Variants in ARF3 observed in about 807,000 individuals in gnomAD.
The protein encoded by ARF3 is ARF GTPase 3, also known as ADP-ribosylation factor 3.
Under a neutral mutation model 19.3 loss-of-function variants are expected in ARF3, and 5 were observed. The observed-to-expected ratio is 0.26, with a 90% confidence interval of 0.14 to 0.54. The LOEUF is 0.54. Among genes scored for constraint, ARF3 ranks in the 20% least tolerant of loss-of-function variants. The pLI, the probability that ARF3 is intolerant of heterozygous loss-of-function variation, is 0.95. For synonymous variants in ARF3, 71 were observed against 89.2 expected, an observed-to-expected ratio of 0.80 and a Z score of 1.15; for missense variants, 77 against 234.2, an observed-to-expected ratio of 0.33 and a Z score of 4.38.
At position 48,939,112 on chromosome 12, in the gene ARF3, G is replaced by A; in HGVS notation, c.385-4C>T. 2 of 1,611,472 alleles carry A rather than the reference G, an allele frequency of 1.2e-6. No individual in the cohort carries two copies. Among genetic ancestry groups the A allele is most frequent in the African/African-American group, 1.3e-5 (1 of 74,950 alleles). On this transcript the variant is annotated splice_polypyrimidine_tract_variant and splice_region_variant and intron_variant, in intron 4 of 4. Transcript: ENST00000256682. This position sits in a 1 kb window ranked among gnomAD's most constrained non-coding sequence, Gnocchi z 4.8. ...CGTTCATAGCATTAGGCAGATCCTG[G>A]AGCACGTGGGAGACACATAAAAAGA... is the stretch of plus-strand genomic sequence containing the variant.
intron 1 of ARF3, among the ~76,000 whole-genome samples, chr12:48,951,718 A>G (rs190670951): frequency 6.6e-6 from 1 of 152,110 alleles, no homozygotes; most frequent in Non-Finnish European, 1.5e-5. Flanking sequence ...TGTCTCTACT[A>G]AAAGTACTAA....
At chr12:48,940,530 G>A (rs1940236375) in intron 2 of ARF3, among the ~76,000 whole-genome samples, 1 of 152,202 alleles carries the variant, frequency 6.6e-6, no homozygotes. Context: ...AGAGCCAGCT[G>A]ACAATGCTGA....
intron 1 of ARF3, chr12:48,955,780 A>C (rs1436251252): frequency 6.6e-6 from 1 of 152,244 alleles, no homozygotes; most frequent in Non-Finnish European, 1.5e-5. Flanking sequence ...AGCAAGATAG[A>C]CAACTATAAA....
chr12:48,951,299 A>G (rs1375334377), intron 1 of ARF3, among the ~76,000 whole-genome samples: 17 of 148,016 alleles, frequency 1.1e-4, no homozygotes, highest in Middle Eastern at 4.2e-3. Context: ...GGTGGCTCAT[A>G]GCTATAATCC....
chr12:48,938,364 C>A lies in ARF3; in HGVS notation c.*583G>T, dbSNP rs1940187236. 1 of 454,200 alleles carries A rather than the reference C, an allele frequency of 2.2e-6. No individual in the cohort carries two copies. 28.1% of individuals were successfully genotyped at this position (454,200 alleles called of 1,614,324 possible). Reference sequence around the variant, plus strand: ...CTTAATCTCACCAACACGGAAGGGGCAGATGACAGGCTCCAGTGGGCAGTG... The same window carrying A: ...CTTAATCTCACCAACACGGAAGGGGAAGATGACAGGCTCCAGTGGGCAGTG... On this transcript the variant is annotated 3_prime_UTR_variant, in exon 5 of 5. Transcript: ENST00000256682.
chr12:48,946,010 C>A (rs1253835157), intron 1 of ARF3, among the ~76,000 whole-genome samples: 1 of 152,156 alleles, frequency 6.6e-6, no homozygotes, highest in East Asian at 1.9e-4. Context: ...GCCATGCTGG[C>A]CAGGCTGGTC....
In ARF3 at chr12:48,939,935, T is replaced by C. The variant is rs1451388407; in HGVS notation, c.259+62A>G. ...CAGCAGGGTAACAGTTGGCCACCCA[T>C]TAACAAAGACAGCCACACTCTCTGC... is the stretch of plus-strand genomic sequence containing the variant. On this transcript the variant is annotated intron_variant, in intron 3 of 4. Transcript: ENST00000256682. The surrounding 1 kb of genome is among the most constrained non-coding windows in gnomAD (Gnocchi z 4.8). 1.3e-6 allele frequency: 2 copies of C among 1,589,904 alleles called. No homozygotes were observed. Among genetic ancestry groups the C allele is most frequent in the East Asian group, 2.2e-5 (1 of 44,728 alleles).
rs1218110385 is a variant in ARF3 at position 48,938,263 on chromosome 12, C to A, written c.*684G>T. On this transcript the variant is annotated 3_prime_UTR_variant, in exon 5 of 5. Coordinates refer to ENST00000256682, the MANE Select transcript of ARF3 (RefSeq NM_001659.3). ...TCATCTGTCCTATCATCCAGAAAAA[C>A]CTACCTGCAGAGAGGAGGGTAACCA... The A allele has an allele frequency of 7.7e-6, 3 of 387,592 alleles. No individual in the cohort carries two copies. The highest frequency in any genetic ancestry group is 3.0e-5 in the Admixed American group (1 of 33,302). The allele number at this position is 387,592 out of a possible 1,614,324, so 24.0% of individuals were successfully genotyped here. A position where few individuals can be genotyped will look rare whatever the true frequency, so the allele number is the denominator to read the frequency against.
chr12:48,949,424 A>G (rs1054307317), intron 1 of ARF3, among the ~76,000 whole-genome samples: 5 of 152,120 alleles, frequency 3.3e-5, no homozygotes, highest in Non-Finnish European at 7.4e-5. Flanking sequence ...ACGGGGTTTC[A>G]CCATGTTGGC....
intron 1 of ARF3, among the ~76,000 whole-genome samples, chr12:48,947,567 A>G (rs763863666): frequency 2.0e-5 from 3 of 152,058 alleles, no homozygotes; most frequent in Non-Finnish European, 4.4e-5. Context: ...CTGCCCCCCA[A>G]AGTGCTGGGA....
At chr12:48,945,505 G>C (rs559085010) in intron 1 of ARF3, among the ~76,000 whole-genome samples, 2 of 151,852 alleles carry the variant, frequency 1.3e-5, no homozygotes, top group African/African-American at 4.8e-5. Flanking sequence ...AGGTTGCAGC[G>C]AGTCGATATC....
chr12:48,950,817 C>T (rs916622561), intron 1 of ARF3, among the ~76,000 whole-genome samples: 2 of 151,322 alleles, frequency 1.3e-5, no homozygotes, highest in South Asian at 2.1e-4. Context: ...GGAGTTTTTG[C>T]TCTTGTTGCC....
chr12:48,940,838 A>G (rs1940243793), intron 2 of ARF3, 110 bp downstream of exon 2: 2 of 1,368,978 alleles, frequency 1.5e-6, no homozygotes, highest in East Asian at 2.6e-5. Flanking sequence ...GAACCCCACA[A>G]ATTGTATGGA....
intron 1 of ARF3, among the ~76,000 whole-genome samples, chr12:48,948,393 C>T (rs1393325053): frequency 1.3e-5 from 2 of 151,916 alleles, no homozygotes; most frequent in Non-Finnish European, 2.9e-5. Flanking sequence ...GACCTACGGG[C>T]CCAAATCATC....
Position 48,941,102 on chromosome 12 carries a change from A to G in ARF3, c.-7T>C, listed in dbSNP as rs958356511. 9 of 1,608,762 alleles carry G rather than the reference A, an allele frequency of 5.6e-6. No homozygotes were observed. Among genetic ancestry groups the G allele is most frequent in the Non-Finnish European group, 7.6e-6 (9 of 1,177,272 alleles). The stretch of plus-strand genomic sequence containing the variant: ...TTCCAAAGATATTGCCCATGATCAC[A>G]GCAGCTGCTTTCTGGGGACAGTGGG... On this transcript the variant is annotated 5_prime_UTR_variant, in exon 2 of 5. Coordinates refer to ENST00000256682, the MANE Select transcript of ARF3 (RefSeq NM_001659.3).
chr12:48,940,112 G>C lies in ARF3; in HGVS notation c.149-5C>G. The C allele has an allele frequency of 6.3e-7, 1 of 1,592,732 alleles. No homozygotes were observed. The highest frequency in any genetic ancestry group is 1.4e-5 in the African/African-American group (1 of 73,556). ...CCACTGTCTCCACATTGAACCCTTTGGAAAAAAAACAGGCAATGGCCACTT... is the reference window on the plus strand; with the variant it reads ...CCACTGTCTCCACATTGAACCCTTTCGAAAAAAAACAGGCAATGGCCACTT... On this transcript the variant is annotated splice_region_variant and splice_polypyrimidine_tract_variant and intron_variant, in intron 2 of 4. Coordinates refer to ENST00000256682, the MANE Select transcript of ARF3 (RefSeq NM_001659.3).
chr12:48,941,069 G>C lies in ARF3; in HGVS notation c.27C>G (p.Leu9=). The C allele has an allele frequency of 1.2e-6, 2 of 1,613,880 alleles. No homozygotes were observed. The highest frequency in any genetic ancestry group is 2.7e-5 in the African/African-American group (2 of 75,012). Residue 9 remains leucine, a synonymous_variant, in exon 2 of 5, where the codon CTC becomes CTG. Transcript: ENST00000256682. ...TCTCCTTCTTCCCAATCAGGCTCTT[G>C]AGAAGGTTTCCAAAGATATTGCCCA... The part of the protein sequence containing the change: MGNIFGNL[L]KSLIGKKEMR...
intron 1 of ARF3, among the ~76,000 whole-genome samples, chr12:48,944,436 C>G (rs1185238650): frequency 1.3e-5 from 2 of 152,234 alleles, no homozygotes; most frequent in Non-Finnish European, 2.9e-5. Flanking sequence ...TTTGAATGAC[C>G]TTAACCACTC....
intron 1 of ARF3, among the ~76,000 whole-genome samples, chr12:48,950,696 G>T (rs1337842482): frequency 5.3e-5 from 8 of 151,932 alleles, no homozygotes; most frequent in Admixed American, 5.2e-4. Flanking sequence ...CCAGCCCCTG[G>T]CAACCACCAT....
Sources: gnomAD v4.1 joint callset for allele counts (sites outside exome capture counted in the v4.1 genomes callset) on GRCh38, gnomAD v4.1.1 for gene constraint, Gnocchi (gnomAD v3.1) non-coding constraint, MANE v1.5 for transcripts, NCBI Gene and HGNC (gene_info 2026-07-23, HGNC 2026-07-21) for gene names.